MDGA2: variants seen among roughly 807,000 people sequenced by gnomAD.
The protein encoded by MDGA2 is MAM domain containing glycosylphosphatidylinositol anchor 2, also known as MAM domain-containing glycosylphosphatidylinositol anchor protein 2.
In MDGA2, 40 loss-of-function variants were observed where a neutral mutation model predicts 117.8. The ratio of observed to expected loss-of-function variants is 0.34; its 90% CI spans 0.26 to 0.44. The LOEUF (loss-of-function observed/expected upper bound fraction) is 0.44, where lower values mean the gene tolerates loss of function less well. Ranked by LOEUF, MDGA2 falls within the 20% of genes least tolerant of loss-of-function variation. The pLI is 1.00. For synonymous variants in MDGA2, 452 were observed against 439.0 expected, an observed-to-expected ratio of 1.03 and a Z score of -0.37; for missense variants, 1,123 against 1,250.6, an observed-to-expected ratio of 0.90 and a Z score of 1.54.
chr14:46,966,583 T>C (rs1595075439), intron 8 of MDGA2, among the ~76,000 whole-genome samples: 1 of 152,312 alleles, frequency 6.6e-6, no homozygotes, highest in East Asian at 1.9e-4. Context: ...CTGCAGTTTA[T>C]ATGGCAATGT....
At chr14:47,017,612 ATTCACATGATTTCTTAAGAAAATTGTT>A (rs150529619) in intron 8 of MDGA2, among the ~76,000 whole-genome samples, 53,716 of 151,370 alleles carry the variant, frequency 0.35, 10,482 homozygotes, top group East Asian at 0.59. Context: ...ACAAGAAAAT[ATTCACATGATTTCTTAAGAAAATTGTT>A]TTAAAATTCC....
chr14:47,074,716 C>T (rs1165520708), intron 6 of MDGA2, among the ~76,000 whole-genome samples: 1 of 152,216 alleles, frequency 6.6e-6, no homozygotes, highest in Non-Finnish European at 1.5e-5. Flanking sequence ...AGCTCCCAGA[C>T]CAATTATACT....
At chr14:47,000,119 T>C (rs1289649889) in intron 8 of MDGA2, among the ~76,000 whole-genome samples, 1 of 151,316 alleles carries the variant, frequency 6.6e-6, no homozygotes, top group Non-Finnish European at 1.5e-5. Flanking sequence ...AGCTAAAAAG[T>C]TACATGAATA....
intron 1 of MDGA2, among the ~76,000 whole-genome samples, chr14:47,478,454 G>A (rs565162938): frequency 3.3e-5 from 5 of 152,150 alleles, no homozygotes; most frequent in South Asian, 2.1e-4. Flanking sequence ...ACAGGTCACC[G>A]CAGCCTTCAC....
Position 46,920,047 on chromosome 14 carries a change from C to G in MDGA2, c.2203G>C (p.Asp735His). 6.3e-7 allele frequency: 1 copy of G among 1,590,628 alleles called. No homozygotes were observed. The stretch of plus-strand genomic sequence containing the variant: ...CCCAACCGGTATGCAACAATCCGAT[C>G]CACTGCATCAGGATTCATCTGTGTC... ...QWTQMNPDAV[D>H]RIVAYRLGIR... The change falls in exon 10 of 17, where the codon GAT (aspartate) becomes CAT (histidine). Residue 735 changes from aspartate to histidine, a missense_variant. Coordinates refer to ENST00000399232, the MANE Select transcript of MDGA2 (RefSeq NM_001113498.3).
intron 6 of MDGA2, among the ~76,000 whole-genome samples, chr14:47,067,738 G>A (rs1890136757): frequency 6.6e-6 from 1 of 152,156 alleles, no homozygotes; most frequent in South Asian, 2.1e-4. Context: ...GCACTGATAT[G>A]AACAAGACTT....
chr14:47,110,332 C>T (rs1880970891), intron 5 of MDGA2, among the ~76,000 whole-genome samples: 1 of 152,120 alleles, frequency 6.6e-6, no homozygotes, highest in South Asian at 2.1e-4. Flanking sequence ...TATGTACATA[C>T]TTTAATGGGG....
chr14:47,074,217 CTTT>C (rs1183266387), intron 6 of MDGA2, among the ~76,000 whole-genome samples: 1 of 152,050 alleles, frequency 6.6e-6, no homozygotes, highest in Non-Finnish European at 1.5e-5. Flanking sequence ...TATTTACTCT[CTTT>C]TTATTTCTCA....
intron 8 of MDGA2, among the ~76,000 whole-genome samples, chr14:46,975,822 G>C (rs139020444): frequency 6.6e-6 from 1 of 152,134 alleles, no homozygotes; most frequent in African/African-American, 2.4e-5. Flanking sequence ...AGTGTCTGAG[G>C]GGGGCCAGTT....
At chr14:47,058,379 C>T (rs1289978179) in intron 7 of MDGA2, among the ~76,000 whole-genome samples, 1 of 152,120 alleles carries the variant, frequency 6.6e-6, no homozygotes, top group Non-Finnish European at 1.5e-5. Flanking sequence ...AATAGAAATA[C>T]TAGCAAAACC....
chr14:47,196,384 G>A (rs1434955943), intron 3 of MDGA2, among the ~76,000 whole-genome samples: 2 of 152,074 alleles, frequency 1.3e-5, no homozygotes, highest in Non-Finnish European at 2.9e-5. Context: ...AAGATGCAGA[G>A]GTTTTAAATA....
At chr14:46,880,516 T>C (rs1882402779) in intron 11 of MDGA2, among the ~76,000 whole-genome samples, 1 of 151,510 alleles carries the variant, frequency 6.6e-6, no homozygotes, top group Non-Finnish European at 1.5e-5. Context: ...TAAAATAACA[T>C]ATCTAGGCTG....
intron 2 of MDGA2, among the ~76,000 whole-genome samples, chr14:47,226,016 C>G (rs889020210): frequency 1.3e-5 from 2 of 151,784 alleles, no homozygotes; most frequent in African/African-American, 4.8e-5. Flanking sequence ...TGGCCGGGAG[C>G]AGTGGCTCAC....
intron 8 of MDGA2, among the ~76,000 whole-genome samples, chr14:47,001,677 T>A (rs1555342340): frequency 6.6e-6 from 1 of 152,072 alleles, no homozygotes; most frequent in Non-Finnish European, 1.5e-5. Flanking sequence ...ATTTTTTTTC[T>A]TAAAATAAAG....
At chr14:47,325,259 G>A (rs1354418232) in intron 1 of MDGA2, among the ~76,000 whole-genome samples, 3 of 152,124 alleles carry the variant, frequency 2.0e-5, no homozygotes, top group African/African-American at 7.2e-5. Context: ...TTCATCAAAT[G>A]TAACGGGGAT....
chr14:46,948,454 C>T (rs1885250527), intron 9 of MDGA2, among the ~76,000 whole-genome samples: 1 of 151,960 alleles, frequency 6.6e-6, no homozygotes, highest in Non-Finnish European at 1.5e-5. Flanking sequence ...CTTCTCTTCC[C>T]TCTACTCTTC....
At chr14:47,455,162 A>C (rs561231115) in intron 1 of MDGA2, among the ~76,000 whole-genome samples, 1 of 152,350 alleles carries the variant, frequency 6.6e-6, no homozygotes, top group South Asian at 2.1e-4. Context: ...CAAAATAATA[A>C]GCCAAAATGA....
chr14:47,642,810 C>T (rs183185167), intron 1 of MDGA2, among the ~76,000 whole-genome samples: 16 of 152,116 alleles, frequency 1.1e-4, no homozygotes, highest in East Asian at 3.9e-4. Flanking sequence ...TTGGTTTATT[C>T]GCATTTCATC....
rs201343650 is a variant in MDGA2, at chr14:47,080,705, T to C, written c.1195+16149A>G. 1.4e-4 allele frequency among the ~76,000 whole-genome samples: 21 copies of C among 152,306 alleles called. No individual in the cohort carries two copies. In the East Asian group the frequency reaches 3.5e-3, roughly 25 times the overall value. ...ATACCACGTCAAAGCGCATTTATAG[T>C]TCCACCTCTTTCTAGCCTTTTCCAT... On this transcript the variant is annotated intron_variant, in intron 6 of 16. Transcript: ENST00000399232.
Sources: allele counts gnomAD v4.1 joint callset (sites outside exome capture counted in the v4.1 genomes callset), GRCh38; gene constraint gnomAD v4.1.1; transcripts MANE v1.5; gene names NCBI Gene and HGNC (gene_info 2026-07-23, HGNC 2026-07-21).